The following SCN8A variants were observed in gnomAD, a reference collection of about 807,000 sequenced individuals.
SCN8A encodes sodium channel protein type 8 subunit alpha.
Under a neutral mutation model 184.1 loss-of-function variants are expected in SCN8A, and 30 were observed. The ratio of observed to expected loss-of-function variants is 0.16; its 90% CI spans 0.12 to 0.22. The LOEUF is 0.22. Among genes scored for constraint, SCN8A ranks in the 10% least tolerant of loss-of-function variants. SCN8A has a pLI of 1.00. For missense variants in SCN8A, 1,057 were observed against 2,498.9 expected (o/e 0.42, Z 12.30); for synonymous variants, 852 against 907.0 (o/e 0.94, Z 1.09).
Position 51,812,666 on chromosome 12 carries a change from C to CT in SCN8A, c.*5239dup, listed in dbSNP as rs1355758920. 2 of 152,196 alleles carry CT rather than the reference C, an allele frequency of 1.3e-5. No individual in the cohort carries two copies. Among genetic ancestry groups the CT allele is most frequent in the Non-Finnish European group, 2.9e-5 (2 of 68,028 alleles). 9.4% of individuals were successfully genotyped at this position (152,196 alleles called of 1,614,324 possible). On this transcript the variant is annotated 3_prime_UTR_variant, in exon 27 of 27. Transcript: ENST00000627620. ...TGATTATTCAAGACAATTTTTTCCC[C>CT]TTGCTGTATCTCCTTCCCTCACCTC...
In SCN8A at chr12:51,776,709, C is replaced by G. The variant is rs372646218; in HGVS notation, c.3819+2347C>G. Reference sequence around the variant, plus strand: ...ACTGTCACCTGAACAGTTGGAACTGCTGGACTTTTTGGTGTCCATTTGAGT... The same window carrying G: ...ACTGTCACCTGAACAGTTGGAACTGGTGGACTTTTTGGTGTCCATTTGAGT... On this transcript the variant is annotated intron_variant, in intron 20 of 26. Coordinates refer to ENST00000627620, the MANE Select transcript of SCN8A (RefSeq NM_001330260.2). Among the ~76,000 whole-genome samples the G allele has an allele frequency of 3.9e-5, 6 of 152,328 alleles. No homozygotes were observed. The East Asian group carries it at 9.6e-4, about 24-fold the overall frequency.
At chr12:51,755,899 TA>T (rs1035005526) in intron 14 of SCN8A, among the ~76,000 whole-genome samples, 1 of 152,122 alleles carries the variant, frequency 6.6e-6, no homozygotes, top group African/African-American at 2.4e-5. Context: ...AAGCCACTGT[TA>T]CCTTTTATAG....
chr12:51,636,664 A>G (rs1485914714), intron 1 of SCN8A, among the ~76,000 whole-genome samples: 1 of 152,212 alleles, frequency 6.6e-6, no homozygotes, highest in Non-Finnish European at 1.5e-5. Context: ...CAGTTTCAAC[A>G]TTGTCTTTCT....
chr12:51,736,098 C>G (rs1287201879), intron 12 of SCN8A, among the ~76,000 whole-genome samples: 3 of 152,200 alleles, frequency 2.0e-5, no homozygotes, highest in African/African-American at 7.2e-5. Flanking sequence ...TTTGCAACTG[C>G]TGTTTTAGGG....
intron 11 of SCN8A, among the ~76,000 whole-genome samples, chr12:51,717,990 A>G (rs143530141): frequency 1.3e-5 from 2 of 152,220 alleles, no homozygotes; most frequent in African/African-American, 4.8e-5. Flanking sequence ...AACACGTGAA[A>G]GATACAGGTG....
rs528601314 is a variant in SCN8A, at chr12:51,796,197, T to C, written c.4795+1556T>C. Among the ~76,000 whole-genome samples the C allele has an allele frequency of 9.8e-5, 15 of 152,346 alleles. No homozygotes were observed. In the South Asian group the frequency reaches 3.1e-3, roughly 32 times the overall value. On this transcript the variant is annotated intron_variant, in intron 26 of 26. Coordinates refer to ENST00000627620, the MANE Select transcript of SCN8A (RefSeq NM_001330260.2). ...AGTGCTTTAAATATGTTAATTCATA[T>C]AATCCTCTCAACAAACCTCTAAGAA...
chr12:51,762,420 G>A (rs984443739), intron 14 of SCN8A, 83 bp from the exon 15 acceptor site: 15 of 1,300,914 alleles, frequency 1.2e-5, no homozygotes, highest in Middle Eastern at 1.9e-4. Flanking sequence ...GAGGTTTCTT[G>A]GACATGTTGT....
At position 51,774,055 on chromosome 12, in the gene SCN8A, G is replaced by A. The variant is rs1261815564; in HGVS notation, c.3646-134G>A. ...TAAAACATAAAAAGCCTGTGTAGTC[G>A]GGGAGTAAAGCGAAGGAGACAGGGA... On this transcript the variant is annotated intron_variant, in intron 19 of 26. Coordinates refer to ENST00000627620, the MANE Select transcript of SCN8A (RefSeq NM_001330260.2). 12 of 582,558 alleles carry A rather than the reference G, an allele frequency of 2.1e-5. No homozygotes were observed. The South Asian group carries it at 2.7e-4, about 13-fold the overall frequency. The allele number at this position is 582,558 out of a possible 1,614,324, so 36.1% of individuals were successfully genotyped here.
intron 1 of SCN8A, among the ~76,000 whole-genome samples, chr12:51,593,266 G>A (rs753015304): frequency 5.8e-4 from 88 of 152,168 alleles, no homozygotes; most frequent in Non-Finnish European, 1.0e-3. Context: ...AGGGCTGCAA[G>A]CATGTTCCGT....
chr12:51,731,963 G>A (rs1420918299), intron 12 of SCN8A, among the ~76,000 whole-genome samples: 2 of 152,016 alleles, frequency 1.3e-5, no homozygotes, highest in Non-Finnish European at 2.9e-5. Flanking sequence ...ATATATTCTG[G>A]TTACTAATCT....
chr12:51,771,780 C>T (rs1942928744), intron 19 of SCN8A, among the ~76,000 whole-genome samples: 1 of 152,218 alleles, frequency 6.6e-6, no homozygotes, highest in African/African-American at 2.4e-5. Flanking sequence ...TGAGGTGCCG[C>T]AGAGGCACCC....
chr12:51,705,301 A>G, intron 9 of SCN8A, 116 bp from the exon 10 acceptor site: 1 of 873,920 alleles, frequency 1.1e-6, no homozygotes, highest in African/African-American at 1.7e-5. Flanking sequence ...CTGCACAAGG[A>G]AACAGTCCTG....
At chr12:51,715,271 A>C (rs944230605) in intron 11 of SCN8A, among the ~76,000 whole-genome samples, 1 of 152,132 alleles carries the variant, frequency 6.6e-6, no homozygotes, top group African/African-American at 2.4e-5. Flanking sequence ...TCATAGGTTC[A>C]CTGAATTGGT....
At chr12:51,753,873 T>A (rs1291141877) in intron 14 of SCN8A, among the ~76,000 whole-genome samples, 1 of 152,140 alleles carries the variant, frequency 6.6e-6, no homozygotes, top group African/African-American at 2.4e-5. Context: ...TGACTGAACC[T>A]GAGAATAAGA....
At chr12:51,651,119 T>C (rs1940703956) in intron 1 of SCN8A, among the ~76,000 whole-genome samples, 1 of 152,196 alleles carries the variant, frequency 6.6e-6, no homozygotes, top group Admixed American at 6.5e-5. Context: ...GCGGGCCAGG[T>C]GTTCCTTGCT....
In SCN8A at chr12:51,641,249, C is replaced by T. The variant is rs147078515; in HGVS notation, c.-54-21515C>T. Among the ~76,000 whole-genome samples, 623 of 152,270 alleles carry T rather than the reference C, an allele frequency of 4.1e-3. 5 individuals are homozygous for T. Among genetic ancestry groups the T allele is most frequent in the African/African-American group, 0.014 (599 of 41,542 alleles). Reference sequence around the variant, plus strand: ...GTGCATAGGTTATATGCAAATACTACACCATTTTACATAAGAGACTTGAGC... The same window carrying T: ...GTGCATAGGTTATATGCAAATACTATACCATTTTACATAAGAGACTTGAGC... On this transcript the variant is annotated intron_variant, in intron 1 of 26. Coordinates refer to ENST00000627620, the MANE Select transcript of SCN8A (RefSeq NM_001330260.2).
chr12:51,762,631 T>C lies in SCN8A; in HGVS notation c.2499T>C (p.Ser833=), dbSNP rs1386284344. The change falls in exon 15 of 27, where the codon AGT becomes AGC. Residue 833 remains serine (S), a synonymous_variant. Coordinates refer to ENST00000627620, the MANE Select transcript of SCN8A (RefSeq NM_001330260.2). ...TCTCCCTCAGTTTAATGGAACTGAG[T>C]CTAGCAGACGTGGAGGGGCTTTCAG... ...FIVSLSLMEL[S]LADVEGLSVL... The C allele has an allele frequency of 1.9e-6, 3 of 1,610,784 alleles. No individual in the cohort carries two copies. The highest frequency in any genetic ancestry group is 1.3e-5 in the African/African-American group (1 of 74,718).
chr12:51,702,962 T>C (rs758198677), intron 9 of SCN8A, 48 bp downstream of exon 9: 4 of 1,530,382 alleles, frequency 2.6e-6, no homozygotes, highest in Non-Finnish European at 3.5e-6. Flanking sequence ...CATGAGCTTA[T>C]ATGGGGTTGG....
chr12:51,636,557 A>G (rs1264912636), intron 1 of SCN8A, among the ~76,000 whole-genome samples: 4 of 152,240 alleles, frequency 2.6e-5, no homozygotes, highest in Admixed American at 1.3e-4. Flanking sequence ...ATTTACTTAT[A>G]TAGTTTATTT....
Sources: gnomAD v4.1 joint callset for allele counts (sites outside exome capture counted in the v4.1 genomes callset) on GRCh38, gnomAD v4.1.1 for gene constraint, MANE v1.5 for transcripts, NCBI Gene and HGNC (gene_info 2026-07-23, HGNC 2026-07-21) for gene names.